Variants in COL8A1 observed in about 807,000 individuals in gnomAD.
The protein encoded by COL8A1 is collagen alpha-1(VIII) chain.
A neutral mutation model predicts 42.7 loss-of-function variants in COL8A1; 21 were observed. The ratio of observed to expected loss-of-function variants is 0.49; its 90% CI spans 0.35 to 0.71. COL8A1 has a LOEUF of 0.71. COL8A1 is among the 30% of genes least tolerant of loss of function. The pLI, the probability that COL8A1 is intolerant of heterozygous loss-of-function variation, is 0.01. For missense variants in COL8A1, 788 were observed against 962.4 expected (o/e 0.82, Z 2.40); for synonymous variants, 367 against 369.1 (o/e 0.99, Z 0.06).
chr3:99,795,610 C>T lies in COL8A1; in HGVS notation c.1709C>T (p.Pro570Leu). ...CCAGGCCCTCCAGGACCTCCAGGACCCCCAGCTGTGATGCCCCCTACACCA... is the reference window on the plus strand; with the variant it reads ...CCAGGCCCTCCAGGACCTCCAGGACTCCCAGCTGTGATGCCCCCTACACCA... ...GPPGPPGPPG[P>L]PAVMPPTPPP... The change falls in exon 4 of 4, where the codon CCC (proline) becomes CTC (leucine). Residue 570 changes from proline (P) to leucine (L), a missense_variant. Pro to Leu is a moderately conservative substitution (Grantham distance 98, BLOSUM62 -3). Coordinates refer to ENST00000652472, the MANE Select transcript of COL8A1 (RefSeq NM_020351.4). The T allele has an allele frequency of 6.2e-7, 1 of 1,613,152 alleles. No individual in the cohort carries two copies. The highest frequency in any genetic ancestry group is 1.7e-5 in the Admixed American group (1 of 59,930).
intron 1 of COL8A1, among the ~76,000 whole-genome samples, chr3:99,727,491 G>A (rs1278716602): frequency 2.0e-5 from 3 of 152,012 alleles, no homozygotes; most frequent in Non-Finnish European, 4.4e-5. Flanking sequence ...TTTTGTATAA[G>A]GTGTAAGGAA....
chr3:99,643,439 G>A (rs1937551481), intron 1 of COL8A1, among the ~76,000 whole-genome samples: 1 of 152,216 alleles, frequency 6.6e-6, no homozygotes. Context: ...TCTGTGTTGA[G>A]TGGGTGAATG....
intron 1 of COL8A1, among the ~76,000 whole-genome samples, chr3:99,735,061 G>A (rs528211294): frequency 0.011 from 1,711 of 150,814 alleles, 23 homozygotes; most frequent in African/African-American, 0.039. Context: ...CTGAGATAAT[G>A]GGGTTTTCTA....
chr3:99,753,837 C>T (rs1007670169), intron 2 of COL8A1, among the ~76,000 whole-genome samples: 7 of 152,106 alleles, frequency 4.6e-5, no homozygotes, highest in African/African-American at 1.7e-4. Context: ...TGAGATAATA[C>T]AAATTTTCCC....
rs750579699 is a variant in COL8A1 at position 99,794,198 on chromosome 3, C to T, written c.329-32C>T. On this transcript the variant is annotated intron_variant, in intron 3 of 3. Transcript: ENST00000652472. This position sits in a 1 kb window ranked among gnomAD's most constrained non-coding sequence, Gnocchi z 4.3. ...ACTAATCAATCTCTCTCTCTCCCCCCATACCCCTTCTCTCTCTTCTCTTCC... is the reference window on the plus strand; with the variant it reads ...ACTAATCAATCTCTCTCTCTCCCCCTATACCCCTTCTCTCTCTTCTCTTCC... The T allele has an allele frequency of 4.1e-5, 57 of 1,403,230 alleles. No individual in the cohort carries two copies. Among genetic ancestry groups the T allele is most frequent in the Non-Finnish European group, 5.4e-5 (56 of 1,030,244 alleles). The allele number at this position is 1,403,230 out of a possible 1,614,324, so 86.9% of individuals were successfully genotyped here. A position where few individuals can be genotyped will look rare whatever the true frequency, so the allele number is the denominator to read the frequency against.
chr3:99,641,045 A>G (rs72932315), intron 1 of COL8A1, among the ~76,000 whole-genome samples: 18,874 of 152,144 alleles, frequency 0.12, 1,233 homozygotes, highest in Admixed American at 0.14. Context: ...AGAAATGTGC[A>G]TTTTAGATGT....
intron 1 of COL8A1, among the ~76,000 whole-genome samples, chr3:99,666,421 C>G (rs916436426): frequency 6.6e-6 from 1 of 152,194 alleles, no homozygotes; most frequent in Non-Finnish European, 1.5e-5. Flanking sequence ...AATCCTCCTT[C>G]TTGAGATTTG....
At chr3:99,642,423 T>C (rs1204958396) in intron 1 of COL8A1, among the ~76,000 whole-genome samples, 5 of 152,062 alleles carry the variant, frequency 3.3e-5, no homozygotes, top group Non-Finnish European at 5.9e-5. Context: ...AAACAAAAAG[T>C]GTTCACCAAA....
chr3:99,694,492 A>G (rs1219815710), intron 1 of COL8A1, among the ~76,000 whole-genome samples: 1 of 152,074 alleles, frequency 6.6e-6, no homozygotes, highest in Non-Finnish European at 1.5e-5. Context: ...AAAAGAAAAG[A>G]AAAAAAGAAC....
chr3:99,677,263 CA>C (rs1938727345), intron 1 of COL8A1, among the ~76,000 whole-genome samples: 1 of 151,968 alleles, frequency 6.6e-6, no homozygotes, highest in African/African-American at 2.4e-5. Context: ...CTTGAAAATA[CA>C]ACCAAAATCA....
chr3:99,789,200 A>G (rs1382961283), intron 2 of COL8A1, among the ~76,000 whole-genome samples: 1 of 152,200 alleles, frequency 6.6e-6, no homozygotes, highest in Non-Finnish European at 1.5e-5. Flanking sequence ...ACCCTGGAAT[A>G]GGATATTGCA....
Position 99,794,650 on chromosome 3 carries a change from C to CGCCAGGTGT in COL8A1, c.750_758dup (p.Pro251_Val253dup), listed in dbSNP as rs773468922. On this transcript the variant is annotated inframe_insertion, in exon 4 of 4. Transcript: ENST00000652472. The surrounding 1 kb of genome is among the most constrained non-coding windows in gnomAD (Gnocchi z 4.3). Reference sequence around the variant, plus strand: ...GACAAGGGCTTCGGGATGCCAGGTGCGCCAGGTGTAAAGGGGCCTCCAGGG... The same window carrying CGCCAGGTGT: ...GACAAGGGCTTCGGGATGCCAGGTGCGCCAGGTGTGCCAGGTGTAAAGGGGCCTCCAGGG... The CGCCAGGTGT allele has an allele frequency of 6.2e-6, 10 of 1,613,476 alleles. No individual in the cohort carries two copies. Among genetic ancestry groups the CGCCAGGTGT allele is most frequent in the African/African-American group, 1.3e-5 (1 of 74,814 alleles).
intron 1 of COL8A1, among the ~76,000 whole-genome samples, chr3:99,653,749 G>T (rs904115425): frequency 6.6e-6 from 1 of 150,488 alleles, no homozygotes; most frequent in Non-Finnish European, 1.5e-5. Flanking sequence ...GATGCATCCT[G>T]GCCCCTGTAT....
At chr3:99,648,266 C>G (rs1466943397) in intron 1 of COL8A1, among the ~76,000 whole-genome samples, 3 of 152,090 alleles carry the variant, frequency 2.0e-5, no homozygotes, top group African/African-American at 7.2e-5. Context: ...GTCCAAAGTC[C>G]ATGGTCTTCC....
At chr3:99,769,780 G>A (rs1941541418) in intron 2 of COL8A1, among the ~76,000 whole-genome samples, 1 of 152,136 alleles carries the variant, frequency 6.6e-6, no homozygotes, top group South Asian at 2.1e-4. Flanking sequence ...TTAGCTGGGT[G>A]TGGTGGTACG....
chr3:99,739,269 C>G (rs1940829501), intron 1 of COL8A1, among the ~76,000 whole-genome samples: 1 of 152,202 alleles, frequency 6.6e-6, no homozygotes, highest in Non-Finnish European at 1.5e-5. Context: ...TCTTTCATGA[C>G]TGGCATTGAG....
At chr3:99,641,802 A>G (rs1937511867) in intron 1 of COL8A1, among the ~76,000 whole-genome samples, 1 of 152,168 alleles carries the variant, frequency 6.6e-6, no homozygotes, top group Non-Finnish European at 1.5e-5. Context: ...ACATACATGT[A>G]CATAAGTTAA....
chr3:99,665,733 G>A (rs1045678426), intron 1 of COL8A1, among the ~76,000 whole-genome samples: 5 of 147,420 alleles, frequency 3.4e-5, no homozygotes, highest in African/African-American at 1.3e-4. Context: ...CCGGGCTGGA[G>A]GGCAATGGCA....
intron 1 of COL8A1, among the ~76,000 whole-genome samples, chr3:99,735,607 A>T (rs1226884119): frequency 2.7e-5 from 4 of 149,906 alleles, no homozygotes; most frequent in Non-Finnish European, 4.4e-5. Flanking sequence ...TTGGTCTAAA[A>T]TTCTCTTTTT....
Sources: gnomAD v4.1 joint callset for allele counts (sites outside exome capture counted in the v4.1 genomes callset) on GRCh38, gnomAD v4.1.1 for gene constraint, Gnocchi (gnomAD v3.1) non-coding constraint, MANE v1.5 for transcripts, NCBI Gene and HGNC (gene_info 2026-07-23, HGNC 2026-07-21) for gene names.